The following GALNTL6 variants were observed in gnomAD, a reference collection of about 807,000 sequenced individuals.
The protein encoded by GALNTL6 is polypeptide N-acetylgalactosaminyltransferase-like 6.
Under a neutral mutation model 73.7 loss-of-function variants are expected in GALNTL6, and 46 were observed. The observed-to-expected ratio is 0.62, with a 90% CI of 0.49 to 0.80. The LOEUF (loss-of-function observed/expected upper bound fraction) is 0.80, where lower values mean the gene tolerates loss of function less well. Ranked by LOEUF, GALNTL6 falls within the 30% of genes least tolerant of loss-of-function variation. The pLI is 0.00. For synonymous variants in GALNTL6, 259 were observed against 263.7 expected, an observed-to-expected ratio of 0.98 and a Z score of 0.17; for missense variants, 604 against 755.0, an observed-to-expected ratio of 0.80 and a Z score of 2.34.
chr4:172,599,290 C>T (rs947016819), intron 5 of GALNTL6, among the ~76,000 whole-genome samples: 17 of 151,778 alleles, frequency 1.1e-4, no homozygotes, highest in African/African-American at 4.1e-4. Flanking sequence ...GTAATTAATA[C>T]ATATTTGAAA....
At chr4:172,390,258 C>CAA (rs1743614500) in intron 5 of GALNTL6, among the ~76,000 whole-genome samples, 6 of 152,076 alleles carry the variant, frequency 3.9e-5, no homozygotes, top group Non-Finnish European at 8.8e-5. Flanking sequence ...TTTTAACATA[C>CAA]TCTTGGGTTA....
intron 2 of GALNTL6, among the ~76,000 whole-genome samples, chr4:171,944,238 A>G (rs1200381400): frequency 6.6e-6 from 1 of 152,080 alleles, no homozygotes. Context: ...TTAATACCTT[A>G]TTAATTGTAG....
chr4:172,652,244 G>T (rs1740508082), intron 5 of GALNTL6, among the ~76,000 whole-genome samples: 1 of 152,172 alleles, frequency 6.6e-6, no homozygotes, highest in Admixed American at 6.6e-5. Flanking sequence ...GAGTGTCGAG[G>T]TTATTCATAG....
At chr4:171,973,822 T>C (rs1040470721) in intron 2 of GALNTL6, among the ~76,000 whole-genome samples, 2 of 152,178 alleles carry the variant, frequency 1.3e-5, no homozygotes, top group African/African-American at 4.8e-5. Context: ...GTCACTTATA[T>C]GGTACCAAGT....
intron 2 of GALNTL6, among the ~76,000 whole-genome samples, chr4:172,025,768 C>T (rs1295545137): frequency 6.6e-6 from 1 of 151,570 alleles, no homozygotes; most frequent in Non-Finnish European, 1.5e-5. Flanking sequence ...ACAGTACTAA[C>T]CCTAAATAAG....
rs1448765440 is a variant in GALNTL6 at position 172,071,245 on chromosome 4, C to G, written c.139-158411C>G. ...ATGGTTGAGGGTGGAGGATGGTCAG[C>G]TCTCTCATCAACGTGTGGTTTTCAA... On this transcript the variant is annotated intron_variant, in intron 2 of 12. Coordinates refer to ENST00000506823, the MANE Select transcript of GALNTL6 (RefSeq NM_001034845.3). Among the ~76,000 whole-genome samples the G allele has an allele frequency of 8.5e-4, 93 of 109,292 alleles. 27 individuals are homozygous for G. Among genetic ancestry groups the G allele is most frequent in the Non-Finnish European group, 1.6e-4 (8 of 49,202 alleles). 71.7% of individuals were successfully genotyped at this position (109,292 alleles called of 152,430 possible). A position where few individuals can be genotyped will look rare whatever the true frequency, so the allele number is the denominator to read the frequency against.
intron 5 of GALNTL6, among the ~76,000 whole-genome samples, chr4:172,590,310 T>C (rs900877426): frequency 7.2e-5 from 11 of 152,164 alleles, no homozygotes; most frequent in African/African-American, 2.7e-4. Context: ...GGGGTGTTGA[T>C]GGACATGCAA....
At chr4:172,315,039 AG>A (rs2111152688) in intron 4 of GALNTL6, among the ~76,000 whole-genome samples, 1 of 152,362 alleles carries the variant, frequency 6.6e-6, no homozygotes, top group South Asian at 2.1e-4. Context: ...GACGAAGGAC[AG>A]TATATTGGCA....
Position 171,941,058 on chromosome 4 carries a change from C to A in GALNTL6, c.138+126340C>A, listed in dbSNP as rs1738526799. Among the ~76,000 whole-genome samples, 5 of 152,046 alleles carry A rather than the reference C, an allele frequency of 3.3e-5. No homozygotes were observed. The South Asian group carries it at 1.0e-3, about 32-fold the overall frequency. ...GAGAATTAATAATCTACAGTCACTT[C>A]AGGATAAATTAGAATCTATATTTAC... On this transcript the variant is annotated intron_variant, in intron 2 of 12. Coordinates refer to ENST00000506823, the MANE Select transcript of GALNTL6 (RefSeq NM_001034845.3).
intron 9 of GALNTL6, among the ~76,000 whole-genome samples, chr4:172,946,125 G>GTT (rs1491302728): frequency 1.8e-4 from 1 of 5,666 alleles, no homozygotes; most frequent in Admixed American, 8.2e-4. Context: ...GGGAAAAAGC[G>GTT]TGTGTGTGTG....
intron 5 of GALNTL6, among the ~76,000 whole-genome samples, chr4:172,624,952 C>T (rs1739108076): frequency 6.6e-6 from 1 of 151,856 alleles, no homozygotes; most frequent in Non-Finnish European, 1.5e-5. Flanking sequence ...GTTTTTCAAC[C>T]CTTTACGCCA....
intron 2 of GALNTL6, among the ~76,000 whole-genome samples, chr4:171,869,796 C>T (rs1736085466): frequency 6.6e-6 from 1 of 151,988 alleles, no homozygotes; most frequent in Non-Finnish European, 1.5e-5. Flanking sequence ...AATAAGTCCC[C>T]CAAGTTCAGA....
intron 5 of GALNTL6, among the ~76,000 whole-genome samples, chr4:172,733,649 G>A (rs1027359471): frequency 3.3e-5 from 5 of 152,154 alleles, no homozygotes; most frequent in Non-Finnish European, 7.4e-5. Context: ...GTTTTATAAA[G>A]GGCAGTTCCC....
chr4:172,518,022 A>G (rs1262227516), intron 5 of GALNTL6, among the ~76,000 whole-genome samples: 1 of 151,980 alleles, frequency 6.6e-6, no homozygotes, highest in Non-Finnish European at 1.5e-5. Context: ...ATTTTCCAAA[A>G]CAGTCTCAAT....
intron 2 of GALNTL6, among the ~76,000 whole-genome samples, chr4:171,846,913 TATAATTATATGTAATTATATATA>T (rs1735387902): frequency 1.8e-4 from 2 of 11,356 alleles, no homozygotes; most frequent in Admixed American, 9.4e-4. Context: ...TATATATACA[TATAATTATATGTAATTATATATA>T]CATATAATTA....
At position 171,823,741 on chromosome 4, in the gene GALNTL6, G is replaced by A. The variant is rs1267800558; in HGVS notation, c.138+9023G>A. On this transcript the variant is annotated intron_variant, in intron 2 of 12. Coordinates refer to ENST00000506823, the MANE Select transcript of GALNTL6 (RefSeq NM_001034845.3). Reference sequence around the variant, plus strand: ...AACCATACAGCCACCTTGTCAATAAGTAAGCAAGCTACCTGTCAACATAAA... The same window carrying A: ...AACCATACAGCCACCTTGTCAATAAATAAGCAAGCTACCTGTCAACATAAA... 9.2e-5 allele frequency among the ~76,000 whole-genome samples: 14 copies of A among 151,582 alleles called. No individual in the cohort carries two copies. The East Asian group carries it at 2.7e-3, about 29-fold the overall frequency.
At chr4:171,987,549 A>C (rs1333061617) in intron 2 of GALNTL6, among the ~76,000 whole-genome samples, 3 of 152,226 alleles carry the variant, frequency 2.0e-5, no homozygotes, top group Non-Finnish European at 2.9e-5. Context: ...CCAATTTGCC[A>C]GTCCTGGGCG....
At chr4:172,816,776 A>G in intron 7 of GALNTL6, among the ~76,000 whole-genome samples, 1 of 152,170 alleles carries the variant, frequency 6.6e-6, no homozygotes, top group East Asian at 1.9e-4. Flanking sequence ...TCAAATTATT[A>G]TATGGTGGTC....
chr4:171,919,723 A>T (rs1374374282), intron 2 of GALNTL6, among the ~76,000 whole-genome samples: 4 of 152,094 alleles, frequency 2.6e-5, no homozygotes, highest in Non-Finnish European at 5.9e-5. Context: ...AGTAGTTATT[A>T]CTCTTGGTAG....
Sources: gnomAD v4.1 joint callset for allele counts (sites outside exome capture counted in the v4.1 genomes callset) on GRCh38, gnomAD v4.1.1 for gene constraint, MANE v1.5 for transcripts, NCBI Gene and HGNC (gene_info 2026-07-23, HGNC 2026-07-21) for gene names.